Variants in CTNNA2 observed in about 807,000 individuals in gnomAD.
The protein encoded by CTNNA2 is catenin alpha 2, also known as catenin alpha-2.
CTNNA2 carries 42 observed loss-of-function variants against 101.0 expected under a neutral mutation model. The ratio of observed to expected loss-of-function variants is 0.42; its 90% CI spans 0.32 to 0.54. The LOEUF (loss-of-function observed/expected upper bound fraction) is 0.54, where lower values mean the gene tolerates loss of function less well. Ranked by LOEUF, CTNNA2 falls within the 20% of genes least tolerant of loss-of-function variation. CTNNA2 has a pLI of 0.14. For missense variants in CTNNA2, 871 were observed against 1,223.1 expected (o/e 0.71, Z 4.29); for synonymous variants, 450 against 456.4 (o/e 0.99, Z 0.18).
At chr2:80,545,638 G>T (rs1018104020) in intron 10 of CTNNA2, among the ~76,000 whole-genome samples, 1 of 152,158 alleles carries the variant, frequency 6.6e-6, no homozygotes, top group African/African-American at 2.4e-5. Context: ...TTGCATTTCT[G>T]CTGTATCTGT....
At chr2:80,549,740 A>G (rs191015311) in intron 11 of CTNNA2, among the ~76,000 whole-genome samples, 25 of 152,246 alleles carry the variant, frequency 1.6e-4, no homozygotes, top group Admixed American at 3.3e-4. Flanking sequence ...CCTCAGAATA[A>G]AAGTGTGTAA....
At chr2:80,440,023 G>A (rs1367073411) in intron 9 of CTNNA2, among the ~76,000 whole-genome samples, 1 of 152,158 alleles carries the variant, frequency 6.6e-6, no homozygotes, top group Non-Finnish European at 1.5e-5. Flanking sequence ...TATAACTTAT[G>A]TAATAGAAGA....
chr2:80,196,222 G>C (rs1255866216), intron 7 of CTNNA2, among the ~76,000 whole-genome samples: 1 of 152,040 alleles, frequency 6.6e-6, no homozygotes, highest in African/African-American at 2.4e-5. Context: ...TTGCTGCCTG[G>C]GGACAGCTAG....
intron 4 of CTNNA2, among the ~76,000 whole-genome samples, chr2:79,859,571 G>A (rs1681421161): frequency 6.6e-6 from 1 of 151,944 alleles, no homozygotes; most frequent in African/African-American, 2.4e-5. Flanking sequence ...CTTCTATACA[G>A]GTCCCTGAGC....
intron 3 of CTNNA2, among the ~76,000 whole-genome samples, chr2:79,791,435 CAAT>C (rs1194476114): frequency 6.6e-6 from 1 of 152,078 alleles, no homozygotes; most frequent in African/African-American, 2.4e-5. Context: ...GACATGTAAA[CAAT>C]AATAATGGGT....
intron 6 of CTNNA2, among the ~76,000 whole-genome samples, chr2:79,903,038 T>A (rs1685171805): frequency 1.3e-5 from 2 of 152,182 alleles, no homozygotes; most frequent in African/African-American, 2.4e-5. Context: ...GCATAGACAG[T>A]ATGTAAATGA....
At chr2:79,413,579 A>G (rs1678441875) in intron 4 of CTNNA2, among the ~76,000 whole-genome samples, 1 of 152,048 alleles carries the variant, frequency 6.6e-6, no homozygotes, top group East Asian at 1.9e-4. Flanking sequence ...ATATATACCT[A>G]GAAGTGGAAT....
At chr2:80,196,754 A>G (rs558202987) in intron 7 of CTNNA2, among the ~76,000 whole-genome samples, 11 of 152,172 alleles carry the variant, frequency 7.2e-5, no homozygotes, top group Non-Finnish European at 1.3e-4. Context: ...TACTACAATA[A>G]TTTTCTGTTC....
intron 2 of CTNNA2, among the ~76,000 whole-genome samples, chr2:79,231,583 C>A (rs1674493971): frequency 6.6e-6 from 1 of 152,146 alleles, no homozygotes; most frequent in African/African-American, 2.4e-5. Context: ...GAATAGATTT[C>A]TCTGGTTCTG....
intron 1 of CTNNA2, among the ~76,000 whole-genome samples, chr2:79,584,818 C>T (rs183280535): frequency 3.3e-5 from 5 of 152,298 alleles, no homozygotes; most frequent in South Asian, 2.1e-4. Context: ...CCGCACCCGG[C>T]GCAAGCAGAT....
At chr2:80,367,354 T>C (rs1305426977) in intron 7 of CTNNA2, among the ~76,000 whole-genome samples, 2 of 152,082 alleles carry the variant, frequency 1.3e-5, no homozygotes, top group Non-Finnish European at 1.5e-5. Flanking sequence ...GGCAAATTTC[T>C]TAAGGCCTCT....
chr2:79,625,255 T>C (rs193078929), intron 1 of CTNNA2, among the ~76,000 whole-genome samples: 24 of 152,274 alleles, frequency 1.6e-4, no homozygotes, highest in Admixed American at 8.5e-4. Context: ...TTTTATAATG[T>C]GATAGAGACT....
intron 3 of CTNNA2, among the ~76,000 whole-genome samples, chr2:79,814,294 A>G (rs7600787): frequency 0.1 from 15,841 of 152,020 alleles, 1,171 homozygotes; most frequent in African/African-American, 0.2. Context: ...ACATGACTAA[A>G]TTCTTTAGTG....
At chr2:80,180,728 G>T (rs552648491) in intron 7 of CTNNA2, among the ~76,000 whole-genome samples, 1 of 152,296 alleles carries the variant, frequency 6.6e-6, no homozygotes, top group East Asian at 1.9e-4. Context: ...TCCCAGCTAA[G>T]ATGAGTAAGT....
intron 9 of CTNNA2, among the ~76,000 whole-genome samples, chr2:80,522,073 G>T (rs754879135): frequency 2.0e-5 from 3 of 152,192 alleles, no homozygotes; most frequent in Non-Finnish European, 4.4e-5. Flanking sequence ...CTTTCTAGAA[G>T]CTCCCCACAA....
chr2:80,562,215 A>G (rs781712092), intron 12 of CTNNA2, among the ~76,000 whole-genome samples: 4 of 151,340 alleles, frequency 2.6e-5, no homozygotes, highest in Non-Finnish European at 4.4e-5. Flanking sequence ...AATATTTCCT[A>G]TACACTGGTG....
intron 4 of CTNNA2, among the ~76,000 whole-genome samples, chr2:79,395,965 CA>C (rs1193750222): frequency 1.3e-5 from 2 of 152,210 alleles, no homozygotes; most frequent in African/African-American, 4.8e-5. Flanking sequence ...TAACCATAGC[CA>C]TTAATGTAAC....
At chr2:79,499,943 C>G (rs554885199) in intron 4 of CTNNA2, among the ~76,000 whole-genome samples, 1 of 152,164 alleles carries the variant, frequency 6.6e-6, no homozygotes, top group African/African-American at 2.4e-5. Context: ...CCAGGACAGC[C>G]GACGGTACAG....
chr2:79,848,831 C>T (rs1455799338), intron 3 of CTNNA2, among the ~76,000 whole-genome samples: 1 of 152,162 alleles, frequency 6.6e-6, no homozygotes, highest in Non-Finnish European at 1.5e-5. Context: ...AGGGTTGTCA[C>T]AGAACCATGT....
Sources: gnomAD v4.1 joint callset for allele counts (sites outside exome capture counted in the v4.1 genomes callset) on GRCh38, gnomAD v4.1.1 for gene constraint, MANE v1.5 for transcripts, NCBI Gene and HGNC (gene_info 2026-07-23, HGNC 2026-07-21) for gene names.